Variants in DNAJC13 observed in about 807,000 individuals in gnomAD.
DNAJC13 encodes the protein DnaJ heat shock protein family (Hsp40) member C13, also known as dnaJ homolog subfamily C member 13.
Under a neutral mutation model 290.5 loss-of-function variants are expected in DNAJC13, and 75 were observed. That is an observed-to-expected ratio of 0.26 (90% CI 0.21 to 0.31). DNAJC13 has a LOEUF of 0.31. Ranked by LOEUF, DNAJC13 falls within the 10% of genes least tolerant of loss-of-function variation. The pLI is 1.00. For synonymous variants in DNAJC13, 862 were observed against 892.0 expected (o/e 0.97, Z 0.60); for missense variants, 2,260 against 2,674.5 (o/e 0.85, Z 3.42).
chr3:132,456,344 A>G lies in DNAJC13; in HGVS notation c.1042A>G (p.Met348Val), dbSNP rs1485464913. Residue 348 changes from methionine to valine, a missense_variant, in exon 10 of 56, where the codon ATG (methionine) becomes GTG (valine). By Grantham distance (21) the Met-to-Val change is conservative (BLOSUM62 1). This residue lies in a region of DNAJC13 where 762 missense variants were observed against 964.1 expected (regional missense o/e 0.79). Coordinates refer to ENST00000260818, the MANE Select transcript of DNAJC13 (RefSeq NM_015268.4). ...AGGTCAGCGATGGGGGTTACTCAGC[A>G]TGCCTGTTGATGAGGAAGTAGAGAG... ...HKGQRWGLLS[M>V]PVDEEVESLH... 2 of 1,613,898 alleles carry G rather than the reference A, an allele frequency of 1.2e-6. No individual in the cohort carries two copies. Among genetic ancestry groups the G allele is most frequent in the African/African-American group, 2.7e-5 (2 of 74,938 alleles).
intron 32 of DNAJC13, among the ~76,000 whole-genome samples, chr3:132,491,708 C>G (rs1344276126): frequency 6.6e-6 from 1 of 152,024 alleles, no homozygotes; most frequent in East Asian, 1.9e-4. Context: ...TTTTGGAGAA[C>G]CCCTCAATTC....
chr3:132,492,399 T>C lies in DNAJC13; in HGVS notation c.3624-15T>C. Reference sequence around the variant, plus strand: ...ATACCTCATAAAGCTTGAATGGAGGTTTTTATGATTGTAGGCGCCTGATGA... The same window carrying C: ...ATACCTCATAAAGCTTGAATGGAGGCTTTTATGATTGTAGGCGCCTGATGA... On this transcript the variant is annotated splice_polypyrimidine_tract_variant and intron_variant, in intron 32 of 55. Transcript: ENST00000260818. The C allele has an allele frequency of 6.2e-7, 1 of 1,612,130 alleles. No individual in the cohort carries two copies. Among genetic ancestry groups the C allele is most frequent in the South Asian group, 1.1e-5 (1 of 90,876 alleles).
intron 19 of DNAJC13, among the ~76,000 whole-genome samples, chr3:132,466,911 G>A (rs1384466254): frequency 6.6e-6 from 1 of 151,966 alleles, no homozygotes; most frequent in Non-Finnish European, 1.5e-5. Context: ...TTCTTTTTCT[G>A]TCATCACTCC....
At chr3:132,485,919 C>A (rs1431534318) in intron 29 of DNAJC13, among the ~76,000 whole-genome samples, 5 of 152,050 alleles carry the variant, frequency 3.3e-5, no homozygotes, top group Non-Finnish European at 4.4e-5. Context: ...AAGTTGTATG[C>A]CAGTGACTTG....
intron 54 of DNAJC13, among the ~76,000 whole-genome samples, chr3:132,529,190 A>C (rs1936342555): frequency 6.6e-6 from 1 of 152,250 alleles, no homozygotes; most frequent in Middle Eastern, 3.4e-3. Context: ...TTTCATATAA[A>C]TATAATCATA....
intron 42 of DNAJC13, among the ~76,000 whole-genome samples, chr3:132,505,675 T>C (rs963432397): frequency 2.0e-5 from 3 of 152,220 alleles, no homozygotes; most frequent in Admixed American, 2.0e-4. Context: ...AACCTTATTT[T>C]AGTTGTTCAC....
intron 48 of DNAJC13, among the ~76,000 whole-genome samples, chr3:132,519,851 A>G (rs1936031427): frequency 6.6e-6 from 1 of 152,136 alleles, no homozygotes; most frequent in Non-Finnish European, 1.5e-5. Flanking sequence ...ACACTGGGCA[A>G]TTTACAAAAG....
At position 132,488,355 on chromosome 3, in the gene DNAJC13, A is replaced by G. The variant is rs780007049; in HGVS notation, c.3325A>G (p.Ile1109Val). Residue 1109 changes from isoleucine to valine, a missense_variant, in exon 30 of 56, where the codon ATC (isoleucine) becomes GTC (valine). By Grantham distance (29) the Ile-to-Val change is conservative (BLOSUM62 3). Transcript: ENST00000260818. Reference protein sequence around the residue: ...VEKVAILLYHIMQDNPQLPRL... With the variant: ...VEKVAILLYHVMQDNPQLPRL... ...GAAGGTTGCTATTTTGTTATACCAT[A>G]TCATGCAAGATAACCCACAGTTACC... 3.7e-6 allele frequency: 6 copies of G among 1,613,554 alleles called. No homozygotes were observed. Among genetic ancestry groups the G allele is most frequent in the Non-Finnish European group, 5.1e-6 (6 of 1,179,778 alleles).
chr3:132,462,218 A>G (rs1016991020), intron 15 of DNAJC13, among the ~76,000 whole-genome samples: 2 of 152,180 alleles, frequency 1.3e-5, no homozygotes, highest in African/African-American at 4.8e-5. Context: ...TCAAATAATT[A>G]TAATTATTCA....
At chr3:132,487,092 C>T (rs1481104864) in intron 29 of DNAJC13, among the ~76,000 whole-genome samples, 4 of 152,004 alleles carry the variant, frequency 2.6e-5, no homozygotes, top group East Asian at 1.9e-4. Context: ...TAGTATGAAA[C>T]GCTTAATCTA....
chr3:132,531,580 G>A (rs1466323219), intron 55 of DNAJC13, among the ~76,000 whole-genome samples: 3 of 152,138 alleles, frequency 2.0e-5, no homozygotes, highest in African/African-American at 2.4e-5. Context: ...GGTGAATCAC[G>A]AGGTCAGGAG....
intron 1 of DNAJC13, among the ~76,000 whole-genome samples, chr3:132,433,134 G>T (rs1939284621): frequency 6.6e-6 from 1 of 152,128 alleles, no homozygotes; most frequent in Admixed American, 6.6e-5. Flanking sequence ...TAAAAAGGAA[G>T]GCTAAAATGA....
chr3:132,427,931 T>C (rs1318045715), intron 1 of DNAJC13, among the ~76,000 whole-genome samples: 2 of 152,208 alleles, frequency 1.3e-5, no homozygotes, highest in Non-Finnish European at 2.9e-5. Context: ...ATGGCAGTTA[T>C]AAAAATTCTC....
rs748496857 is a variant in DNAJC13 at position 132,499,257 on chromosome 3, G to A, written c.4288G>A (p.Val1430Ile). Residue 1430 changes from valine to isoleucine, a missense_variant, in exon 37 of 56, where the codon GTC becomes ATC. Coordinates refer to ENST00000260818, the MANE Select transcript of DNAJC13 (RefSeq NM_015268.4). ...GGCTACAGAGCTAGCTTTCCATACTGTCAACTGTTCAGCCCTCAATGCTGA... is the reference window on the plus strand; with the variant it reads ...GGCTACAGAGCTAGCTTTCCATACTATCAACTGTTCAGCCCTCAATGCTGA... ...PAATELAFHT[V>I]NCSALNAEEL... is the part of the protein sequence containing the mutation. 1.9e-6 allele frequency: 3 copies of A among 1,614,036 alleles called. No individual in the cohort carries two copies. The highest frequency in any genetic ancestry group is 2.5e-6 in the Non-Finnish European group (3 of 1,179,986).
At chr3:132,511,837 A>C (rs1935787345) in intron 44 of DNAJC13, among the ~76,000 whole-genome samples, 1 of 152,192 alleles carries the variant, frequency 6.6e-6, no homozygotes, top group South Asian at 2.1e-4. Flanking sequence ...ACATAAACCT[A>C]AAATGATACA....
chr3:132,465,980 G>A lies in DNAJC13; in HGVS notation c.1893-15G>A, dbSNP rs1409335782. The A allele has an allele frequency of 9.3e-6, 15 of 1,605,340 alleles. No homozygotes were observed. Among genetic ancestry groups the A allele is most frequent in the East Asian group, 2.2e-5 (1 of 44,818 alleles). ...GATAAAGCAGCAAACCTTTCTCAAC[G>A]TCTGCTTTTTTCAGACAGCTAAGTA... On this transcript the variant is annotated splice_polypyrimidine_tract_variant and intron_variant, in intron 17 of 55. Coordinates refer to ENST00000260818, the MANE Select transcript of DNAJC13 (RefSeq NM_015268.4).
At chr3:132,441,500 G>C (rs1933069040) in intron 2 of DNAJC13, among the ~76,000 whole-genome samples, 1 of 152,182 alleles carries the variant, frequency 6.6e-6, no homozygotes, top group African/African-American at 2.4e-5. Context: ...CTTCTTTGAA[G>C]CCTGTTGGCG....
At chr3:132,431,999 AATTTGTGGTATG>A (rs1181790874) in intron 1 of DNAJC13, among the ~76,000 whole-genome samples, 1 of 152,162 alleles carries the variant, frequency 6.6e-6, no homozygotes, top group Non-Finnish European at 1.5e-5. Context: ...TAAAAGAGTG[AATTTGTGGTATG>A]TGAATTATGT....
chr3:132,436,861 TAAA>T (rs1273165662), intron 2 of DNAJC13, among the ~76,000 whole-genome samples: 4 of 151,342 alleles, frequency 2.6e-5, no homozygotes, highest in Non-Finnish European at 1.5e-5. Context: ...TCACTGTAAC[TAAA>T]AAAATTTTTT....
Sources: gnomAD v4.1 joint callset for allele counts (sites outside exome capture counted in the v4.1 genomes callset) on GRCh38, gnomAD v4.1.1 for gene constraint, gnomAD v4.1.1 regional missense constraint, MANE v1.5 for transcripts, NCBI Gene and HGNC (gene_info 2026-07-23, HGNC 2026-07-21) for gene names.